The following TTC12 variants were observed in gnomAD, a reference collection of about 807,000 sequenced individuals.
TTC12 encodes tetratricopeptide repeat domain 12, also known as tetratricopeptide repeat protein 12.
Under a neutral mutation model 90.1 loss-of-function variants are expected in TTC12, and 70 were observed. The observed-to-expected ratio is 0.78, with a 90% confidence interval of 0.64 to 0.95. TTC12 has a LOEUF of 0.95. Ranked by LOEUF, TTC12 falls within the 40% of genes least tolerant of loss-of-function variation. The pLI is 0.00. For missense variants in TTC12, 819 were observed against 846.1 expected (o/e 0.97, Z 0.40); for synonymous variants, 296 against 311.5 (o/e 0.95, Z 0.53).
At chr11:113,348,586 T>G (rs566693625) in intron 13 of TTC12, among the ~76,000 whole-genome samples, 2 of 152,358 alleles carry the variant, frequency 1.3e-5, no homozygotes, top group Admixed American at 1.3e-4. Context: ...TTTTCTAAAA[T>G]GCACATCTGT....
intron 13 of TTC12, among the ~76,000 whole-genome samples, chr11:113,349,383 A>T (rs1949143940): frequency 6.6e-6 from 1 of 152,224 alleles, no homozygotes; most frequent in African/African-American, 2.4e-5. Context: ...AGTTTGCTGG[A>T]TGAACAAATT....
intron 10 of TTC12, 145 bp from the exon 11 acceptor site, chr11:113,340,519 A>G (rs1278603825): frequency 1.1e-5 from 7 of 640,580 alleles, no homozygotes; most frequent in Admixed American, 2.4e-5. Flanking sequence ...TTCAAAATGT[A>G]AAGTTCATTT....
chr11:113,369,983 A>G (rs1950339277), downstream of TTC12, among the ~76,000 whole-genome samples: 1 of 152,096 alleles, frequency 6.6e-6, no homozygotes, highest in Non-Finnish European at 1.5e-5. Context: ...CTGGTGGCAA[A>G]CATGAAGATC....
chr11:113,368,691 GC>G (rs1950294604), downstream of TTC12: 2 of 609,758 alleles, frequency 3.3e-6, no homozygotes, highest in Admixed American at 5.5e-5. Flanking sequence ...ATAGGAAGGG[GC>G]TGAGATGCTG....
At chr11:113,336,020 G>T (rs1948351778) in intron 8 of TTC12, among the ~76,000 whole-genome samples, 1 of 152,108 alleles carries the variant, frequency 6.6e-6, no homozygotes, top group Non-Finnish European at 1.5e-5. Flanking sequence ...AATGGCTGCA[G>T]AATTTTACAT....
Position 113,323,327 on chromosome 11 carries a change from T to G in TTC12, c.98T>G (p.Val33Gly), listed in dbSNP as rs782666662. Reference protein sequence around the residue: ...IQEMNSDDPVVQQKAVLETEK... With the variant: ...IQEMNSDDPVGQQKAVLETEK... ...GAGATGAATTCTGATGACCCAGTTG[T>G]GCAACAGAAAGCTGTCCTGGAGACA... Residue 33 changes from valine to glycine, a missense_variant, in exon 3 of 22, where the codon GTG becomes GGG. Physicochemically the swap from Val to Gly is moderately radical, Grantham distance 109 (BLOSUM62 -3). Coordinates refer to ENST00000529221, the MANE Select transcript of TTC12 (RefSeq NM_017868.4). 2 of 1,608,654 alleles carry G rather than the reference T, an allele frequency of 1.2e-6. No homozygotes were observed. Among genetic ancestry groups the G allele is most frequent in the Non-Finnish European group, 1.7e-6 (2 of 1,178,508 alleles).
At chr11:113,360,843 A>G (rs2138071114) in intron 18 of TTC12, among the ~76,000 whole-genome samples, 1 of 152,320 alleles carries the variant, frequency 6.6e-6, no homozygotes, top group East Asian at 1.9e-4. Flanking sequence ...ACGTCCCCAA[A>G]GTCAATTCAG....
intron 17 of TTC12, 128 bp downstream of exon 17, chr11:113,359,589 A>G: frequency 4.3e-6 from 3 of 700,874 alleles, no homozygotes; most frequent in Non-Finnish European, 7.6e-6. Flanking sequence ...TGGAATGGGA[A>G]AAGGCTGGAG....
Position 113,341,894 on chromosome 11 carries a change from C to A in TTC12, c.954C>A (p.Leu318=), listed in dbSNP as rs1319835254. The change falls in exon 12 of 22, where the codon CTC becomes CTA. Residue 318 remains leucine, a synonymous_variant. Coordinates refer to ENST00000529221, the MANE Select transcript of TTC12 (RefSeq NM_017868.4). ...AAGAAATGGTCTGTGTGTCTGTTCT[C>A]AAGCTCTGGCAAGCAGTGTGCAGCA... ...AVEEMVCVSV[L]KLWQAVCSRN... 6.8e-6 allele frequency: 11 copies of A among 1,614,066 alleles called. No homozygotes were observed. The highest frequency in any genetic ancestry group is 9.3e-6 in the Non-Finnish European group (11 of 1,180,042).
At chr11:113,365,388 C>G (rs1950155154) in intron 21 of TTC12, 2 of 275,462 alleles carry the variant, frequency 7.3e-6, no homozygotes, top group Admixed American at 8.6e-5. Context: ...TTCTTCCCCT[C>G]CCTCCCACTC....
downstream of TTC12, among the ~76,000 whole-genome samples, chr11:113,367,948 C>T (rs1170210904): frequency 6.6e-6 from 1 of 152,140 alleles, no homozygotes; most frequent in African/African-American, 2.4e-5. Context: ...AATCAGAGCA[C>T]AAAGAAGAAA....
chr11:113,329,800 C>A, intron 6 of TTC12, 120 bp from the exon 7 acceptor site: 1 of 850,788 alleles, frequency 1.2e-6, no homozygotes, highest in Admixed American at 1.7e-5. Context: ...AGGACCATGA[C>A]TGATCCAGGT....
intron 7 of TTC12, 29 bp from the exon 8 acceptor site, chr11:113,334,937 C>T (rs1555143553): frequency 5.0e-6 from 8 of 1,589,214 alleles, no homozygotes; most frequent in Admixed American, 3.3e-5. Flanking sequence ...TCTTCTAAAA[C>T]TTCTGATCAG....
chr11:113,334,748 G>A (rs138846429), intron 7 of TTC12, among the ~76,000 whole-genome samples: 2 of 152,148 alleles, frequency 1.3e-5, no homozygotes, highest in African/African-American at 2.4e-5. Flanking sequence ...AAACTGGCAG[G>A]TATCATTAAT....
At chr11:113,350,195 T>C in intron 14 of TTC12, 30 bp downstream of exon 14, 1 of 1,498,372 alleles carries the variant, frequency 6.7e-7, no homozygotes, top group Non-Finnish European at 9.3e-7. Flanking sequence ...AAATTGACAT[T>C]TCTTCTTCAG....
At position 113,364,831 on chromosome 11, in the gene TTC12, G is replaced by T. The variant is rs1300811224; in HGVS notation, c.1817-4G>T. 6.2e-7 allele frequency: 1 copy of T among 1,613,250 alleles called. No individual in the cohort carries two copies. The highest frequency in any genetic ancestry group is 1.1e-5 in the South Asian group (1 of 91,050). ...CTGTTGCTTGTTCTCTTCTTTCCCTGCAGAGTTGAGCGTTATGATGAAGCT... is the reference window on the plus strand; with the variant it reads ...CTGTTGCTTGTTCTCTTCTTTCCCTTCAGAGTTGAGCGTTATGATGAAGCT... On this transcript the variant is annotated splice_region_variant and splice_polypyrimidine_tract_variant and intron_variant, in intron 20 of 21. Coordinates refer to ENST00000529221, the MANE Select transcript of TTC12 (RefSeq NM_017868.4).
At position 113,344,372 on chromosome 11, in the gene TTC12, C is replaced by A. The variant is rs781823158; in HGVS notation, c.1086C>A (p.Ala362=). The A allele has an allele frequency of 3.7e-6, 6 of 1,614,022 alleles. No homozygotes were observed. The African/African-American group carries it at 8.0e-5, about 22-fold the overall frequency. The change falls in exon 13 of 22, where the codon GCC becomes GCA. Residue 362 remains alanine, a synonymous_variant. Transcript: ENST00000529221. ...TGGCCATCCGGCAGCAGAGCTTTGC[C>A]CTGCTGCTGCATCTCGCCCAGACTG... ...KVLAIRQQSF[A]LLLHLAQTES...
At chr11:113,367,417 C>T (rs1950250779), downstream of TTC12, among the ~76,000 whole-genome samples, 1 of 152,188 alleles carries the variant, frequency 6.6e-6, no homozygotes, top group Non-Finnish European at 1.5e-5. Flanking sequence ...GAGGTGAAGG[C>T]ACTTTGGGAA....
At chr11:113,337,838 G>A (rs1031711456) in intron 8 of TTC12, among the ~76,000 whole-genome samples, 23 of 150,968 alleles carry the variant, frequency 1.5e-4, no homozygotes, top group Non-Finnish European at 2.9e-5. Context: ...TGATGGAGGT[G>A]GTAAGAAGTG....
Sources: gnomAD v4.1 joint callset for allele counts (sites outside exome capture counted in the v4.1 genomes callset) on GRCh38, gnomAD v4.1.1 for gene constraint, MANE v1.5 for transcripts, NCBI Gene and HGNC (gene_info 2026-07-23, HGNC 2026-07-21) for gene names.